ZNF385B: variants seen among roughly 807,000 people sequenced by gnomAD.
The protein encoded by ZNF385B is zinc finger protein 385B.
A neutral mutation model predicts 39.2 loss-of-function variants in ZNF385B; 23 were observed. The ratio of observed to expected loss-of-function variants is 0.59; its 90% CI spans 0.42 to 0.83. ZNF385B has a LOEUF of 0.83. ZNF385B is among the 40% of genes least tolerant of loss of function. The pLI, the probability that ZNF385B is intolerant of heterozygous loss-of-function variation, is 0.00. For synonymous variants in ZNF385B, 205 were observed against 222.6 expected (o/e 0.92, Z 0.70); for missense variants, 552 against 598.9 (o/e 0.92, Z 0.82).
intron 5 of ZNF385B, among the ~76,000 whole-genome samples, chr2:179,503,195 C>A (rs1467184572): frequency 6.6e-6 from 1 of 152,120 alleles, no homozygotes; most frequent in East Asian, 1.9e-4. Context: ...TGTATCATAT[C>A]TTTGTTTGTG....
At chr2:179,850,551 C>T (rs1278093345) in intron 1 of ZNF385B, among the ~76,000 whole-genome samples, 1 of 152,164 alleles carries the variant, frequency 6.6e-6, no homozygotes, top group Non-Finnish European at 1.5e-5. Flanking sequence ...CAAGTGTTTG[C>T]AGGCAACTAC....
chr2:179,801,329 G>A (rs1215663913), intron 1 of ZNF385B, among the ~76,000 whole-genome samples: 1 of 152,012 alleles, frequency 6.6e-6, no homozygotes, highest in East Asian at 1.9e-4. Flanking sequence ...GTTTCTCCTG[G>A]TCTGGGGTAG....
chr2:179,499,223 T>C (rs939291853), intron 5 of ZNF385B, among the ~76,000 whole-genome samples: 6 of 151,962 alleles, frequency 3.9e-5, no homozygotes, highest in Non-Finnish European at 7.4e-5. Flanking sequence ...GCTTCACTAA[T>C]AGATTCTACC....
intron 1 of ZNF385B, among the ~76,000 whole-genome samples, chr2:179,776,569 A>C (rs1704334315): frequency 6.6e-6 from 1 of 152,180 alleles, no homozygotes; most frequent in Non-Finnish European, 1.5e-5. Context: ...GAAGTCATGC[A>C]AACATCACAG....
chr2:179,714,956 A>AAAC (rs1700237957), intron 3 of ZNF385B, among the ~76,000 whole-genome samples: 2 of 151,184 alleles, frequency 1.3e-5, no homozygotes, highest in African/African-American at 4.9e-5. Flanking sequence ...AAAAAAAAAA[A>AAAC]AAAAACAGTT....
chr2:179,755,786 T>C (rs1702975957), intron 3 of ZNF385B, among the ~76,000 whole-genome samples: 2 of 152,210 alleles, frequency 1.3e-5, no homozygotes, highest in African/African-American at 2.4e-5. Flanking sequence ...ATTTGCTTGG[T>C]AGATCTTCCT....
At chr2:179,858,861 TA>T (rs1684808347) in intron 1 of ZNF385B, among the ~76,000 whole-genome samples, 1 of 152,206 alleles carries the variant, frequency 6.6e-6, no homozygotes, top group South Asian at 2.1e-4. Flanking sequence ...GCTCAATTTT[TA>T]AAATATAAAT....
intron 5 of ZNF385B, among the ~76,000 whole-genome samples, chr2:179,510,676 A>G (rs938179159): frequency 3.9e-5 from 6 of 152,286 alleles, no homozygotes; most frequent in Non-Finnish European, 8.8e-5. Context: ...AGCTAAAAAA[A>G]CTTCATAAAT....
intron 1 of ZNF385B, among the ~76,000 whole-genome samples, chr2:179,818,278 T>C (rs1707195439): frequency 6.6e-6 from 1 of 152,232 alleles, no homozygotes; most frequent in African/African-American, 2.4e-5. Flanking sequence ...CCTCCAAGTA[T>C]GTTAATTAAC....
rs777730347 is a variant in ZNF385B at position 179,548,943 on chromosome 2, G to A, written c.299-3974C>T. ...CATGACATCTAAGGGAAACTTATCC[G>A]TTAGCAGTCACTCCCCATTTCCTCC... On this transcript the variant is annotated intron_variant, in intron 3 of 9. Coordinates refer to ENST00000410066, the MANE Select transcript of ZNF385B (RefSeq NM_152520.6). 7.4e-5 allele frequency among the ~76,000 whole-genome samples: 11 copies of A among 149,454 alleles called. 1 individual carries two copies. Among genetic ancestry groups the A allele is most frequent in the Non-Finnish European group, 1.3e-4 (9 of 67,610 alleles).
At chr2:179,682,356 G>A (rs1444005783) in intron 3 of ZNF385B, among the ~76,000 whole-genome samples, 1 of 152,114 alleles carries the variant, frequency 6.6e-6, no homozygotes, top group East Asian at 1.9e-4. Context: ...TGTCCTCCTA[G>A]CTTCTATTTC....
At chr2:179,753,684 T>C (rs539884889) in intron 3 of ZNF385B, among the ~76,000 whole-genome samples, 2 of 152,330 alleles carry the variant, frequency 1.3e-5, no homozygotes, top group African/African-American at 2.4e-5. Context: ...AGGAATTTTA[T>C]TTTCTTTGAA....
At chr2:179,727,060 G>A (rs1194121225) in intron 3 of ZNF385B, among the ~76,000 whole-genome samples, 1 of 151,982 alleles carries the variant, frequency 6.6e-6, no homozygotes, top group East Asian at 1.9e-4. Context: ...TTCCGTGTGT[G>A]TGTTTCAGGG....
chr2:179,636,913 G>C (rs1354265600), intron 3 of ZNF385B, among the ~76,000 whole-genome samples: 1 of 152,030 alleles, frequency 6.6e-6, no homozygotes, highest in Non-Finnish European at 1.5e-5. Context: ...GGAGTGAATA[G>C]TTAATATGAA....
At chr2:179,815,797 T>C (rs898144658) in intron 1 of ZNF385B, among the ~76,000 whole-genome samples, 1 of 152,146 alleles carries the variant, frequency 6.6e-6, no homozygotes, top group Non-Finnish European at 1.5e-5. Context: ...TCTTGAAAAT[T>C]ATAATGTATT....
chr2:179,780,508 G>A (rs561674932), intron 1 of ZNF385B, among the ~76,000 whole-genome samples: 15 of 152,160 alleles, frequency 9.9e-5, no homozygotes, highest in East Asian at 7.7e-4. Context: ...GCTTCCTTCC[G>A]TTTTCTGTTT....
intron 1 of ZNF385B, among the ~76,000 whole-genome samples, chr2:179,781,873 T>G (rs182180070): frequency 1.3e-5 from 2 of 152,112 alleles, no homozygotes; most frequent in Non-Finnish European, 2.9e-5. Flanking sequence ...CAGGACCTGA[T>G]GGATTCACAG....
rs2058119184 is a variant in ZNF385B, at chr2:179,516,809, C to A, written c.552+1719G>T. On this transcript the variant is annotated intron_variant, in intron 5 of 9. Transcript: ENST00000410066. ...CACACTTCTTTATTTTCTAAGAAAT[C>A]TTTGCCTAATGCAAAGCCAAATAGA... Among the ~76,000 whole-genome samples, 3 of 152,078 alleles carry A rather than the reference C, an allele frequency of 2.0e-5. 1 individual carries two copies. In the South Asian group the frequency reaches 6.2e-4, roughly 31 times the overall value.
At chr2:179,700,505 T>C (rs1462797630) in intron 3 of ZNF385B, among the ~76,000 whole-genome samples, 2 of 152,204 alleles carry the variant, frequency 1.3e-5, no homozygotes, top group African/African-American at 4.8e-5. Context: ...CTCTCTTTAA[T>C]GTCATCTTTT....
Sources: gnomAD v4.1 joint callset for allele counts (sites outside exome capture counted in the v4.1 genomes callset) on GRCh38, gnomAD v4.1.1 for gene constraint, MANE v1.5 for transcripts, NCBI Gene and HGNC (gene_info 2026-07-23, HGNC 2026-07-21) for gene names.